The following METAP1D variants were observed in gnomAD, a reference collection of about 807,000 sequenced individuals.
METAP1D encodes the protein methionine aminopeptidase 1D, mitochondrial.
A neutral mutation model predicts 40.5 loss-of-function variants in METAP1D; 31 were observed. That is an observed-to-expected ratio of 0.77 (90% CI 0.58 to 1.03). METAP1D has a LOEUF of 1.03. Among genes scored for constraint, METAP1D ranks in the 50% least tolerant of loss-of-function variants. METAP1D has a pLI of 0.00. For missense variants in METAP1D, 411 were observed against 420.7 expected (o/e 0.98, Z 0.20); for synonymous variants, 151 against 146.4 (o/e 1.03, Z -0.22).
intron 2 of METAP1D, among the ~76,000 whole-genome samples, chr2:172,063,457 A>T (rs189342291): frequency 1.2e-4 from 18 of 152,288 alleles, no homozygotes; most frequent in Admixed American, 4.6e-4. Context: ...CCAGAAGTCT[A>T]CTTCAGTCCA....
chr2:172,017,576 G>A (rs1688905104), intron 1 of METAP1D, among the ~76,000 whole-genome samples: 2 of 151,388 alleles, frequency 1.3e-5, no homozygotes, highest in African/African-American at 4.9e-5. Context: ...TGAAGTATGA[G>A]GGCAAAAAAA....
chr2:172,068,379 G>A (rs1001421907), intron 5 of METAP1D, among the ~76,000 whole-genome samples: 2 of 151,994 alleles, frequency 1.3e-5, no homozygotes, highest in East Asian at 3.9e-4. Context: ...GGGTGACAGA[G>A]CGAGACTCTG....
intron 2 of METAP1D, among the ~76,000 whole-genome samples, chr2:172,063,069 G>A (rs977580096): frequency 5.9e-5 from 9 of 152,182 alleles, no homozygotes; most frequent in South Asian, 2.1e-4. Flanking sequence ...AGGGTTGCAC[G>A]TCTTGAGTTT....
intron 1 of METAP1D, among the ~76,000 whole-genome samples, chr2:172,015,059 TTA>T (rs1324408823): frequency 6.6e-6 from 1 of 152,192 alleles, no homozygotes; most frequent in African/African-American, 2.4e-5. Context: ...ATCAAAATCT[TTA>T]TCTTTTAAAA....
intron 1 of METAP1D, among the ~76,000 whole-genome samples, chr2:172,054,481 T>G (rs969013691): frequency 3.9e-5 from 6 of 151,954 alleles, no homozygotes; most frequent in Non-Finnish European, 7.4e-5. Flanking sequence ...ATCGTGCTAC[T>G]GCACTCTAGC....
chr2:172,068,860 T>TCCTCCCTTCCTC (rs748389449), intron 5 of METAP1D, among the ~76,000 whole-genome samples: 8 of 151,910 alleles, frequency 5.3e-5, no homozygotes, highest in Non-Finnish European at 7.4e-5. Flanking sequence ...CTTCCTTCGT[T>TCCTCCCTTCCTC]CCTCCCTTCC....
Position 172,045,424 on chromosome 2 carries a change from G to T in METAP1D, c.41-16074G>T, listed in dbSNP as rs920186249. ...CCCTGTAATCCCAGCACTTTGAGAG[G>T]CCGAGGCGGGCAGATCACTTGAGGT... On this transcript the variant is annotated intron_variant, in intron 1 of 9. Coordinates refer to ENST00000315796, the MANE Select transcript of METAP1D (RefSeq NM_199227.3). Among the ~76,000 whole-genome samples the T allele has an allele frequency of 2.3e-5, 3 of 131,748 alleles. 1 individual carries two copies. The South Asian group carries it at 7.4e-4, about 33-fold the overall frequency. The allele number at this position is 131,748 out of a possible 152,430, so 86.4% of individuals were successfully genotyped here. A position where few individuals can be genotyped will look rare whatever the true frequency, so the allele number is the denominator to read the frequency against.
intron 1 of METAP1D, among the ~76,000 whole-genome samples, chr2:172,024,758 G>GTGTGTA (rs775208344): frequency 1.5e-5 from 2 of 135,332 alleles, no homozygotes; most frequent in Non-Finnish European, 3.2e-5. Context: ...TTGTGTGTGT[G>GTGTGTA]TGTGTGTGTG....
intron 1 of METAP1D, among the ~76,000 whole-genome samples, chr2:172,025,023 G>A (rs1210284355): frequency 6.6e-6 from 1 of 152,112 alleles, no homozygotes; most frequent in African/African-American, 2.4e-5. Flanking sequence ...TTTGGAAAGT[G>A]AGAATAAAGC....
rs115223236 is a variant in METAP1D at position 172,038,328 on chromosome 2, G to A, written c.41-23170G>A. ...AGAACTTAGCCACATTGTTTATGTC[G>A]GAAAATGCATTCCAAACAGCTAAGA... On this transcript the variant is annotated intron_variant, in intron 1 of 9. Transcript: ENST00000315796. 5.8e-3 allele frequency among the ~76,000 whole-genome samples: 882 copies of A among 152,094 alleles called. 7 individuals carry two copies. The highest frequency in any genetic ancestry group is 7.7e-3 in the Non-Finnish European group (525 of 67,988).
At position 172,065,597 on chromosome 2, in the gene METAP1D, A is replaced by G; in HGVS notation, c.349-7A>G. The G allele has an allele frequency of 1.2e-6, 2 of 1,612,026 alleles. No individual in the cohort carries two copies. The highest frequency in any genetic ancestry group is 1.7e-6 in the Non-Finnish European group (2 of 1,179,334). On this transcript the variant is annotated splice_polypyrimidine_tract_variant and splice_region_variant and intron_variant, in intron 3 of 9. Transcript: ENST00000315796. Reference sequence around the variant, plus strand: ...TTGCTGCACAATTTCTTTATTTAACATTTTAGGTTGACATGACAACTGAAG... The same window carrying G: ...TTGCTGCACAATTTCTTTATTTAACGTTTTAGGTTGACATGACAACTGAAG...
At chr2:172,059,182 C>T (rs1057340239) in intron 1 of METAP1D, among the ~76,000 whole-genome samples, 10 of 151,206 alleles carry the variant, frequency 6.6e-5, no homozygotes, top group African/African-American at 2.4e-4. Context: ...GATCTTGGCT[C>T]ACTGCACCCT....
chr2:172,045,699 ATGTGTGTG>A (rs796722451), intron 1 of METAP1D, among the ~76,000 whole-genome samples: 2 of 82,240 alleles, frequency 2.4e-5, no homozygotes, highest in South Asian at 4.7e-4. Flanking sequence ...ATTCATATAT[ATGTGTGTG>A]TGTGTGTGTG....
chr2:172,021,186 G>T (rs539368087), intron 1 of METAP1D, among the ~76,000 whole-genome samples: 3 of 152,244 alleles, frequency 2.0e-5, no homozygotes, highest in Admixed American at 6.5e-5. Flanking sequence ...TAGGTAAAAA[G>T]ATATTGGTCC....
chr2:172,011,892 T>C (rs1688731932), intron 1 of METAP1D, among the ~76,000 whole-genome samples: 1 of 152,226 alleles, frequency 6.6e-6, no homozygotes, highest in African/African-American at 2.4e-5. Flanking sequence ...GGTTTTGAAA[T>C]AGGCTATGTT....
In METAP1D at chr2:172,079,108, GAAAT is replaced by G; in HGVS notation, c.803-103_803-100del. On this transcript the variant is annotated intron_variant, in intron 7 of 9. Transcript: ENST00000315796. ...CCACCCTTCCTTCTCTAAAAGAAGAGAAATAAAACGACCAAGTTTTTTAAAGGGG... is the reference window on the plus strand; with the variant it reads ...CCACCCTTCCTTCTCTAAAAGAAGAGAAAACGACCAAGTTTTTTAAAGGGG... The G allele has an allele frequency of 5.3e-6, 6 of 1,132,544 alleles. No individual in the cohort carries two copies. The South Asian group carries it at 8.0e-5, about 15-fold the overall frequency. The allele number at this position is 1,132,544 out of a possible 1,614,324, so 70.2% of individuals were successfully genotyped here.
intron 6 of METAP1D, among the ~76,000 whole-genome samples, chr2:172,075,121 ATGAAT>A (rs1321797900): frequency 2.0e-5 from 3 of 152,224 alleles, no homozygotes; most frequent in Admixed American, 2.0e-4. Context: ...TAACTACAAC[ATGAAT>A]TGTAATCAGA....
intron 1 of METAP1D, among the ~76,000 whole-genome samples, chr2:172,032,771 T>TAAA (rs1689267912): frequency 6.6e-6 from 1 of 151,972 alleles, no homozygotes. Flanking sequence ...GCCAAAAAAA[T>TAAA]TGAACTTGAG....
At chr2:172,038,774 T>C (rs1157492432) in intron 1 of METAP1D, among the ~76,000 whole-genome samples, 1 of 152,226 alleles carries the variant, frequency 6.6e-6, no homozygotes, top group Non-Finnish European at 1.5e-5. Flanking sequence ...GCAGAGCTCA[T>C]AAATTCTCAA....
Sources: gnomAD v4.1 joint callset for allele counts (sites outside exome capture counted in the v4.1 genomes callset) on GRCh38, gnomAD v4.1.1 for gene constraint, MANE v1.5 for transcripts, NCBI Gene and HGNC (gene_info 2026-07-23, HGNC 2026-07-21) for gene names.